The following TMEM163 variants were observed in gnomAD, a reference collection of about 807,000 sequenced individuals.
TMEM163 encodes the protein transmembrane protein 163.
A neutral mutation model predicts 29.3 loss-of-function variants in TMEM163; 17 were observed. The ratio of observed to expected loss-of-function variants is 0.58; its 90% confidence interval spans 0.40 to 0.87. TMEM163 has a LOEUF of 0.87. Ranked by LOEUF, TMEM163 falls within the 40% of genes least tolerant of loss-of-function variation. TMEM163 has a pLI of 0.00. For synonymous variants in TMEM163, 157 were observed against 160.6 expected, an observed-to-expected ratio of 0.98 and a Z score of 0.17; for missense variants, 303 against 381.5, an observed-to-expected ratio of 0.79 and a Z score of 1.71.
At chr2:134,539,548 T>C (rs1187619844) in intron 4 of TMEM163, among the ~76,000 whole-genome samples, 2 of 152,198 alleles carry the variant, frequency 1.3e-5, no homozygotes, top group African/African-American at 4.8e-5. Context: ...AGGGAAAAAG[T>C]ATGCTTGATA....
chr2:134,639,309 A>G (rs1218107726), intron 2 of TMEM163, among the ~76,000 whole-genome samples: 2 of 152,204 alleles, frequency 1.3e-5, no homozygotes, highest in South Asian at 4.1e-4. Flanking sequence ...AATATTGAAG[A>G]AGAGACAAAG....
chr2:134,697,626 A>G (rs1684611010), intron 2 of TMEM163, among the ~76,000 whole-genome samples: 1 of 151,808 alleles, frequency 6.6e-6, no homozygotes, highest in Admixed American at 6.6e-5. Context: ...CACCATGCCC[A>G]CCTAATTTTT....
intron 2 of TMEM163, among the ~76,000 whole-genome samples, chr2:134,631,843 T>C (rs1682976964): frequency 6.6e-6 from 1 of 152,248 alleles, no homozygotes; most frequent in East Asian, 1.9e-4. Flanking sequence ...TTTTCTCCTA[T>C]AATTCCATTC....
At chr2:134,712,910 AC>A (rs1345685195) in intron 2 of TMEM163, among the ~76,000 whole-genome samples, 1 of 152,172 alleles carries the variant, frequency 6.6e-6, no homozygotes, top group African/African-American at 2.4e-5. Context: ...GAAGGCATCC[AC>A]CAAGAGTATT....
intron 2 of TMEM163, among the ~76,000 whole-genome samples, chr2:134,621,139 AAC>A (rs1265714816): frequency 1.3e-5 from 2 of 152,210 alleles, no homozygotes; most frequent in Non-Finnish European, 2.9e-5. Context: ...AAAGGAGTAA[AAC>A]AGCTCAATTT....
intron 2 of TMEM163, among the ~76,000 whole-genome samples, chr2:134,665,241 G>A (rs555414061): frequency 5.9e-5 from 9 of 152,240 alleles, no homozygotes; most frequent in Admixed American, 2.0e-4. Context: ...GAGGTTTAAT[G>A]GACTCAACAG....
At chr2:134,705,528 C>T (rs956137120) in intron 2 of TMEM163, among the ~76,000 whole-genome samples, 2 of 151,820 alleles carry the variant, frequency 1.3e-5, no homozygotes, top group African/African-American at 4.8e-5. Context: ...GCATGGCCGT[C>T]AGGCATGGGA....
intron 2 of TMEM163, among the ~76,000 whole-genome samples, chr2:134,593,069 G>A (rs980048244): frequency 5.3e-5 from 8 of 152,142 alleles, no homozygotes; most frequent in African/African-American, 1.7e-4. Context: ...AGGATAGTAA[G>A]TGATCAATAC....
intron 2 of TMEM163, among the ~76,000 whole-genome samples, chr2:134,663,059 CTT>C (rs763622098): frequency 3.3e-5 from 5 of 152,184 alleles, no homozygotes; most frequent in Non-Finnish European, 7.3e-5. Flanking sequence ...TGTTAGGTCT[CTT>C]TGTGTGATCA....
intron 2 of TMEM163, among the ~76,000 whole-genome samples, chr2:134,588,827 A>G (rs1418539038): frequency 6.6e-6 from 1 of 152,166 alleles, no homozygotes; most frequent in Admixed American, 6.5e-5. Flanking sequence ...AAGGATGGCA[A>G]GTAAACAGGC....
At chr2:134,711,073 C>T (rs980076823) in intron 2 of TMEM163, among the ~76,000 whole-genome samples, 22 of 152,116 alleles carry the variant, frequency 1.4e-4, no homozygotes, top group African/African-American at 5.3e-4. Context: ...TTCCATTTTT[C>T]TTTAGACACT....
At chr2:134,482,355 C>A (rs567673255) in intron 5 of TMEM163, among the ~76,000 whole-genome samples, 1 of 152,196 alleles carries the variant, frequency 6.6e-6, no homozygotes, top group African/African-American at 2.4e-5. Context: ...TGACACTGAG[C>A]AGAGACCATG....
intron 2 of TMEM163, among the ~76,000 whole-genome samples, chr2:134,695,961 G>C (rs535357964): frequency 6.6e-6 from 1 of 150,796 alleles, no homozygotes; most frequent in African/African-American, 2.4e-5. Flanking sequence ...TGAGGTAGGA[G>C]AATTTCTTGA....
At chr2:134,494,158 G>A (rs971639284) in intron 5 of TMEM163, among the ~76,000 whole-genome samples, 1 of 152,138 alleles carries the variant, frequency 6.6e-6, no homozygotes, top group South Asian at 2.1e-4. Context: ...TCAGTGCCCA[G>A]TTCTATTCTG....
chr2:134,543,614 A>G (rs1680722412), intron 4 of TMEM163, among the ~76,000 whole-genome samples: 1 of 152,162 alleles, frequency 6.6e-6, no homozygotes, highest in Non-Finnish European at 1.5e-5. Flanking sequence ...CCTATCCATC[A>G]CTTCTTGACT....
chr2:134,551,764 A>T (rs1017866779), intron 3 of TMEM163, among the ~76,000 whole-genome samples: 3 of 152,162 alleles, frequency 2.0e-5, no homozygotes, highest in African/African-American at 7.2e-5. Context: ...TCCACATACA[A>T]CCTGGAAGGT....
At chr2:134,616,988 C>T (rs1226567018) in intron 2 of TMEM163, among the ~76,000 whole-genome samples, 1 of 152,102 alleles carries the variant, frequency 6.6e-6, no homozygotes, top group African/African-American at 2.4e-5. Context: ...CATGAATGCA[C>T]AGCAAGAGAT....
intron 2 of TMEM163, among the ~76,000 whole-genome samples, chr2:134,588,285 G>C (rs920297514): frequency 6.6e-6 from 1 of 152,194 alleles, no homozygotes; most frequent in Non-Finnish European, 1.5e-5. Context: ...CAGTGAGTCA[G>C]ACAATAAGAA....
chr2:134,687,489 T>C (rs1334511329), intron 2 of TMEM163, among the ~76,000 whole-genome samples: 1 of 152,226 alleles, frequency 6.6e-6, no homozygotes, highest in Non-Finnish European at 1.5e-5. Flanking sequence ...TATATTCATC[T>C]GCATATACAA....
Sources: gnomAD v4.1 joint callset for allele counts (sites outside exome capture counted in the v4.1 genomes callset) on GRCh38, gnomAD v4.1.1 for gene constraint, MANE v1.5 for transcripts, NCBI Gene and HGNC (gene_info 2026-07-23, HGNC 2026-07-21) for gene names.